Variants in TSHZ3 observed in about 807,000 individuals in gnomAD.
The protein encoded by TSHZ3 is teashirt zinc finger homeobox 3.
In TSHZ3, 10 loss-of-function variants were observed where a neutral mutation model predicts 64.5. The ratio of observed to expected loss-of-function variants is 0.16; its 90% CI spans 0.10 to 0.26. The LOEUF (loss-of-function observed/expected upper bound fraction) is 0.26. Among genes scored for constraint, TSHZ3 ranks in the 10% least tolerant of loss-of-function variants. The pLI is 1.00. For missense variants in TSHZ3, 1,242 were observed against 1,421.7 expected (o/e 0.87, Z 2.03); for synonymous variants, 608 against 593.1 (o/e 1.03, Z -0.36).
At chr19:31,189,664 T>C (rs1349956732) in intron 5 of TSHZ3, among the ~76,000 whole-genome samples, 1 of 152,096 alleles carries the variant, frequency 6.6e-6, no homozygotes, top group African/African-American at 2.4e-5. Flanking sequence ...TAGTTCTATC[T>C]TGGTGAATGT....
At chr19:31,195,788 T>G (rs1165257803) in intron 5 of TSHZ3, 2 of 152,078 alleles carry the variant, frequency 1.3e-5, no homozygotes, top group Non-Finnish European at 2.9e-5. Flanking sequence ...ATGTATGTGT[T>G]TTTGTATACA....
At chr19:31,215,738 G>A (rs576990749) in intron 4 of TSHZ3, among the ~76,000 whole-genome samples, 3 of 152,186 alleles carry the variant, frequency 2.0e-5, no homozygotes, top group Non-Finnish European at 2.9e-5. Flanking sequence ...GGGCATAGTG[G>A]TGTGTGCCTG....
chr19:31,256,672 A>G (rs1021413154), intron 1 of TSHZ3, among the ~76,000 whole-genome samples: 1 of 152,186 alleles, frequency 6.6e-6, no homozygotes, highest in Non-Finnish European at 1.5e-5. Context: ...AAGTTTTGCA[A>G]TATGGGAACA....
intron 6 of TSHZ3, among the ~76,000 whole-genome samples, chr19:31,155,533 T>C (rs1387764168): frequency 6.6e-6 from 1 of 152,256 alleles, no homozygotes. Flanking sequence ...ATTCATGTGA[T>C]AAATTTCTAC....
At chr19:31,335,287 T>C (rs552934748) in intron 1 of TSHZ3, among the ~76,000 whole-genome samples, 5 of 152,194 alleles carry the variant, frequency 3.3e-5, no homozygotes, top group South Asian at 2.1e-4. Context: ...TCAGCAATTA[T>C]TTGGAAAGGA....
At chr19:31,244,749 T>C (rs1344901226) in intron 1 of TSHZ3, among the ~76,000 whole-genome samples, 2 of 152,190 alleles carry the variant, frequency 1.3e-5, no homozygotes, top group Admixed American at 6.5e-5. Flanking sequence ...GTTCAAGTGA[T>C]GCTCCCACTT....
At chr19:31,227,710 G>C (rs116109462) in intron 4 of TSHZ3, among the ~76,000 whole-genome samples, 2,027 of 152,194 alleles carry the variant, frequency 0.013, 50 homozygotes, top group African/African-American at 0.046. Flanking sequence ...GTTGGAGGTA[G>C]GTTTCTCTCA....
intron 5 of TSHZ3, among the ~76,000 whole-genome samples, chr19:31,177,205 C>T (rs566530292): frequency 5.6e-4 from 85 of 152,166 alleles, no homozygotes; most frequent in Non-Finnish European, 1.1e-3. Context: ...TGGACCATGG[C>T]GCCTTCATAC....
chr19:31,237,264 T>C (rs1568356076), intron 3 of TSHZ3, among the ~76,000 whole-genome samples: 1 of 152,222 alleles, frequency 6.6e-6, no homozygotes, highest in Non-Finnish European at 1.5e-5. Flanking sequence ...ACACTAGTTT[T>C]AAAGTAATTT....
chr19:31,284,827 G>A (rs897099966), intron 1 of TSHZ3, among the ~76,000 whole-genome samples: 5 of 152,136 alleles, frequency 3.3e-5, no homozygotes, highest in African/African-American at 4.8e-5. Context: ...CAACCCTACC[G>A]TCCGGCCCAG....
intron 1 of TSHZ3, among the ~76,000 whole-genome samples, chr19:31,323,246 G>A (rs2145170120): frequency 6.6e-6 from 1 of 152,324 alleles, no homozygotes; most frequent in South Asian, 2.1e-4. Context: ...TCACCCAGGA[G>A]CATGCTGCCA....
intron 5 of TSHZ3, among the ~76,000 whole-genome samples, chr19:31,164,301 G>GAA (rs1438169739): frequency 2.6e-5 from 4 of 152,138 alleles, no homozygotes; most frequent in African/African-American, 9.7e-5. Context: ...ACGCGCTGTT[G>GAA]ACCTGGACCC....
chr19:31,265,263 G>T (rs1976036081), intron 1 of TSHZ3, among the ~76,000 whole-genome samples: 1 of 151,756 alleles, frequency 6.6e-6, no homozygotes, highest in South Asian at 2.1e-4. Context: ...CGGGCATGGT[G>T]GTCCATGCCT....
chr19:31,245,581 C>G (rs1003651699), intron 1 of TSHZ3, among the ~76,000 whole-genome samples: 1 of 152,220 alleles, frequency 6.6e-6, no homozygotes, highest in Non-Finnish European at 1.5e-5. Flanking sequence ...ACACAAGCTA[C>G]ATCTGACAAC....
intron 1 of TSHZ3, among the ~76,000 whole-genome samples, chr19:31,328,305 G>A (rs1007622673): frequency 6.6e-6 from 1 of 152,254 alleles, no homozygotes. Context: ...ACTTCTCTGA[G>A]TGTGAGCCTT....
chr19:31,262,776 A>G (rs771444848), intron 1 of TSHZ3, among the ~76,000 whole-genome samples: 1 of 152,222 alleles, frequency 6.6e-6, no homozygotes. Flanking sequence ...ACTCCTTCTG[A>G]CGAAATTCGA....
At position 31,264,491 on chromosome 19, in the gene TSHZ3, G is replaced by C. The variant is rs572094186; in HGVS notation, n.64-21616C>G. Among the ~76,000 whole-genome samples, 7 of 152,166 alleles carry C rather than the reference G, an allele frequency of 4.6e-5. No individual in the cohort carries two copies. In the South Asian group the frequency reaches 1.2e-3, roughly 27 times the overall value. On this transcript the variant is annotated intron_variant and non_coding_transcript_variant, in intron 1 of 6. Transcript: ENST00000651361. ...GCCCTCAAATCCTCACCTCAGTCCC[G>C]CCTGTGGGAGAGCCCAGCCTACAAG...
intron 5 of TSHZ3, among the ~76,000 whole-genome samples, chr19:31,165,372 A>T (rs1271495565): frequency 6.7e-6 from 1 of 149,556 alleles, no homozygotes; most frequent in African/African-American, 2.6e-5. Context: ...GTCCTTTTAA[A>T]AAACACATTT....
intron 1 of TSHZ3, among the ~76,000 whole-genome samples, chr19:31,314,623 A>G (rs138306678): frequency 8.5e-5 from 13 of 152,350 alleles, no homozygotes; most frequent in Non-Finnish European, 1.8e-4. Flanking sequence ...GTATTTTGCA[A>G]TAGATCAGGG....
Sources: gnomAD v4.1 joint callset for allele counts (sites outside exome capture counted in the v4.1 genomes callset) on GRCh38, gnomAD v4.1.1 for gene constraint, MANE v1.5 for transcripts, NCBI Gene and HGNC (gene_info 2026-07-23, HGNC 2026-07-21) for gene names.